Variants in RAB11FIP3 observed in about 807,000 individuals in gnomAD.
The protein encoded by RAB11FIP3 is RAB11 family interacting protein 3.
In RAB11FIP3, 17 loss-of-function variants were observed where a neutral mutation model predicts 77.8. That is an observed-to-expected ratio of 0.22 (90% CI 0.15 to 0.33). The LOEUF is 0.33. Ranked by LOEUF, RAB11FIP3 falls within the 10% of genes least tolerant of loss-of-function variation. RAB11FIP3 has a pLI of 1.00. For synonymous variants in RAB11FIP3, 437 were observed against 448.2 expected, an observed-to-expected ratio of 0.98 and a Z score of 0.31; for missense variants, 1,005 against 1,011.2, an observed-to-expected ratio of 0.99 and a Z score of 0.08.
intron 1 of RAB11FIP3, among the ~76,000 whole-genome samples, chr16:431,556 G>A (rs960958091): frequency 1.3e-5 from 2 of 151,910 alleles, no homozygotes; most frequent in African/African-American, 4.8e-5. Flanking sequence ...TATATTTTTA[G>A]TAGAGACGGG....
intron 1 of RAB11FIP3, among the ~76,000 whole-genome samples, chr16:454,775 A>G (rs892435566): frequency 2.8e-4 from 42 of 152,080 alleles, no homozygotes; most frequent in Non-Finnish European, 2.2e-4. Flanking sequence ...GGCCGGGCGC[A>G]GTGGCTCACA....
chr16:426,999 C>T lies in RAB11FIP3; in HGVS notation c.714+279C>T, dbSNP rs374915084. On this transcript the variant is annotated intron_variant, in intron 1 of 13. Transcript: ENST00000262305. The surrounding 1 kb of genome is among the most constrained non-coding windows in gnomAD (Gnocchi z 5.0). ...CAGCTGGATCTTACCGAGGTCAGCTCCTCGCCTGGGGACACCCCCCCAGGG... is the reference window on the plus strand; with the variant it reads ...CAGCTGGATCTTACCGAGGTCAGCTTCTCGCCTGGGGACACCCCCCCAGGG... Among the ~76,000 whole-genome samples the T allele has an allele frequency of 2.3e-4, 35 of 152,194 alleles. No homozygotes were observed. In the East Asian group the frequency reaches 5.0e-3, roughly 22 times the overall value.
chr16:426,109 G>T lies in RAB11FIP3; in HGVS notation c.103G>T (p.Gly35Cys). Residue 35 changes from glycine (G) to cysteine (C), a missense_variant, in exon 1 of 14, where the codon GGC becomes TGC. Coordinates refer to ENST00000262305, the MANE Select transcript of RAB11FIP3 (RefSeq NM_014700.4). This position sits in a 1 kb window ranked among gnomAD's most constrained non-coding sequence, Gnocchi z 5.0. Reference protein sequence around the residue: ...DGPGAAQLAPGPAELRLGAPV... With the variant: ...DGPGAAQLAPCPAELRLGAPV... ...GCCGGGGGCGGCACAACTGGCTCCG[G>T]GCCCTGCGGAGCTACGCCTCGGAGC... The T allele has an allele frequency of 9.9e-7, 1 of 1,006,820 alleles. No homozygotes were observed. Among genetic ancestry groups the T allele is most frequent in the South Asian group, 4.5e-5 (1 of 22,322 alleles). 62.4% of individuals were successfully genotyped at this position (1,006,820 alleles called of 1,614,324 possible).
At chr16:500,802 G>A (rs1019729230) in intron 6 of RAB11FIP3, among the ~76,000 whole-genome samples, 2 of 151,606 alleles carry the variant, frequency 1.3e-5, no homozygotes, top group Admixed American at 6.6e-5. Flanking sequence ...GTGGCTGCAC[G>A]CTGGGTGCCT....
intron 1 of RAB11FIP3, among the ~76,000 whole-genome samples, chr16:429,498 ATT>A (rs761957197): frequency 3.5e-5 from 5 of 143,986 alleles, no homozygotes; most frequent in African/African-American, 2.5e-5. Flanking sequence ...GATTATCTTA[ATT>A]TTTTTTTTTT....
chr16:498,212 C>G (rs1327861179), intron 6 of RAB11FIP3, among the ~76,000 whole-genome samples: 1 of 152,180 alleles, frequency 6.6e-6, no homozygotes, highest in Non-Finnish European at 1.5e-5. Context: ...CTTGCTCTGT[C>G]ACCTGGGCTG....
chr16:448,344 C>G (rs2055351272), intron 1 of RAB11FIP3, among the ~76,000 whole-genome samples: 1 of 151,610 alleles, frequency 6.6e-6, no homozygotes, highest in Non-Finnish European at 1.5e-5. Context: ...TGGCTCATGC[C>G]TGTAATCCTA....
chr16:497,079 G>A lies in RAB11FIP3; in HGVS notation c.1301+220G>A. On this transcript the variant is annotated intron_variant, in intron 6 of 13. Coordinates refer to ENST00000262305, the MANE Select transcript of RAB11FIP3 (RefSeq NM_014700.4). ...GGATTTGTGACCAGGGAGGGTACGTGTCAGAGCTTTTGGTGCTGGGCCTCT... is the reference window on the plus strand; with the variant it reads ...GGATTTGTGACCAGGGAGGGTACGTATCAGAGCTTTTGGTGCTGGGCCTCT... 7 of 575,382 alleles carry A rather than the reference G, an allele frequency of 1.2e-5. 1 individual carries two copies. Among genetic ancestry groups the A allele is most frequent in the Non-Finnish European group, 1.7e-5 (6 of 355,614 alleles). The allele number at this position is 575,382 out of a possible 1,614,324, so 35.6% of individuals were successfully genotyped here.
chr16:469,214 T>C (rs1311776769), intron 2 of RAB11FIP3, among the ~76,000 whole-genome samples: 2 of 151,866 alleles, frequency 1.3e-5, no homozygotes, highest in Admixed American at 1.3e-4. Flanking sequence ...TAGCTGGGAT[T>C]ACAGGCACAT....
At chr16:509,676 G>A (rs1191065174) in intron 8 of RAB11FIP3, among the ~76,000 whole-genome samples, 1 of 152,162 alleles carries the variant, frequency 6.6e-6, no homozygotes, top group Non-Finnish European at 1.5e-5. Context: ...CCCTGCCTCT[G>A]CTCTGAGGTG....
At chr16:439,652 C>T (rs908612101) in intron 1 of RAB11FIP3, among the ~76,000 whole-genome samples, 3 of 152,106 alleles carry the variant, frequency 2.0e-5, no homozygotes, top group Non-Finnish European at 4.4e-5. Context: ...TCAGGTACTC[C>T]TGATGACATG....
chr16:503,293 A>G (rs1301307234), intron 7 of RAB11FIP3, among the ~76,000 whole-genome samples, 196 bp downstream of exon 7: 1 of 152,146 alleles, frequency 6.6e-6, no homozygotes, highest in Non-Finnish European at 1.5e-5. Flanking sequence ...TGGCCATGTG[A>G]GAAAAAGGAG....
intron 4 of RAB11FIP3, 48 bp from the exon 5 acceptor site, chr16:488,803 G>A: frequency 6.3e-7 from 1 of 1,589,846 alleles, no homozygotes; most frequent in Non-Finnish European, 8.6e-7. Flanking sequence ...CAGCTCGGGG[G>A]TGCCCTGGCC....
rs1307997231 is a variant in RAB11FIP3, at chr16:516,281, C to G, written c.1641-2662C>G. ...TGAATTAGAAGGGACGGCAGGGTAA[C>G]GGGATGGTGAGGACAACTGGATTAT... On this transcript the variant is annotated intron_variant, in intron 9 of 13. Transcript: ENST00000262305. Among the ~76,000 whole-genome samples, 4 of 152,138 alleles carry G rather than the reference C, an allele frequency of 2.6e-5. No homozygotes were observed. The East Asian group carries it at 5.8e-4, about 22-fold the overall frequency.
rs982927136 is a variant in RAB11FIP3 at position 519,689 on chromosome 16, C to T, written c.1723-65C>T. 62 of 1,568,668 alleles carry T rather than the reference C, an allele frequency of 4.0e-5. 1 individual carries two copies. Among genetic ancestry groups the T allele is most frequent in the Non-Finnish European group, 4.4e-5 (51 of 1,153,634 alleles). On this transcript the variant is annotated intron_variant, in intron 10 of 13. Coordinates refer to ENST00000262305, the MANE Select transcript of RAB11FIP3 (RefSeq NM_014700.4). ...CTCAGAGATTGGAGGGACAGACGGC[C>T]GGGGCAAGCTGCATGCACAGGTAGG...
intron 1 of RAB11FIP3, among the ~76,000 whole-genome samples, chr16:430,098 T>C (rs138889906): frequency 3.7e-4 from 57 of 152,246 alleles, no homozygotes; most frequent in South Asian, 2.9e-3. Flanking sequence ...TATATTTTTT[T>C]GAAACAGGAA....
In RAB11FIP3 at chr16:444,986, T is replaced by C. The variant is rs182804702; in HGVS notation, c.715-16418T>C. ...AAAATTAGCCAGGCATCATGGTGGG[T>C]ACCTGTAGTCCCAGCTACTCGGGAG... On this transcript the variant is annotated intron_variant, in intron 1 of 13. Transcript: ENST00000262305. Among the ~76,000 whole-genome samples the C allele has an allele frequency of 6.1e-3, 930 of 151,278 alleles. 8 individuals are homozygous for C. The highest frequency in any genetic ancestry group is 8.2e-3 in the Non-Finnish European group (557 of 67,878).
At chr16:519,411 A>G (rs2141909793) in intron 10 of RAB11FIP3, among the ~76,000 whole-genome samples, 1 of 152,340 alleles carries the variant, frequency 6.6e-6, no homozygotes, top group South Asian at 2.1e-4. Flanking sequence ...GCTCCCAGGA[A>G]GGATATTCTC....
At chr16:518,673 C>A (rs576733969) in intron 9 of RAB11FIP3, among the ~76,000 whole-genome samples, 2 of 152,304 alleles carry the variant, frequency 1.3e-5, no homozygotes, top group East Asian at 3.9e-4. Context: ...TTGCAGTGAG[C>A]TGAGATCACA....
Sources: allele counts gnomAD v4.1 joint callset (sites outside exome capture counted in the v4.1 genomes callset), GRCh38; gene constraint gnomAD v4.1.1; non-coding constraint Gnocchi (gnomAD v3.1); transcripts MANE v1.5; gene names NCBI Gene and HGNC (gene_info 2026-07-23, HGNC 2026-07-21).